Variants in CCAR2 observed in about 807,000 individuals in gnomAD.
CCAR2 encodes cell cycle and apoptosis regulator protein 2.
Under a neutral mutation model 108.1 loss-of-function variants are expected in CCAR2, and 21 were observed. The observed-to-expected ratio is 0.19, with a 90% CI of 0.14 to 0.28. The LOEUF is 0.28. Among genes scored for constraint, CCAR2 ranks in the 10% least tolerant of loss-of-function variants. The pLI is 1.00. For missense variants in CCAR2, 1,126 were observed against 1,177.0 expected (o/e 0.96, Z 0.63); for synonymous variants, 577 against 472.8 (o/e 1.22, Z -2.86).
intron 11 of CCAR2, 127 bp downstream of exon 11, chr8:22,615,128 C>T: frequency 2.3e-6 from 3 of 1,283,054 alleles, no homozygotes; most frequent in South Asian, 1.6e-5. Flanking sequence ...CCTTCCCCCT[C>T]TGGTGCCTCA....
Position 22,620,044 on chromosome 8 carries a change from G to GGACAAGGTCTGATGT in CCAR2, c.*363_*377dup, listed in dbSNP as rs1424893365. 3.7e-6 allele frequency: 1 copy of GGACAAGGTCTGATGT among 273,760 alleles called. No homozygotes were observed. The highest frequency in any genetic ancestry group is 2.2e-5 in the African/African-American group (1 of 45,814). 17.0% of individuals were successfully genotyped at this position (273,760 alleles called of 1,614,324 possible). On this transcript the variant is annotated 3_prime_UTR_variant, in exon 21 of 21. Coordinates refer to ENST00000308511, the MANE Select transcript of CCAR2 (RefSeq NM_001393997.1). ...GGGAGAAAAAGGCTTTTCGAGTGTG[G>GGACAAGGTCTGATGT]GACAAGGTCTGATGTCAGTGAACGG...
chr8:22,608,189 T>C, intron 7 of CCAR2, 124 bp downstream of exon 7: 1 of 694,298 alleles, frequency 1.4e-6, no homozygotes, highest in Non-Finnish European at 2.5e-6. Context: ...GTGGCTATGC[T>C]TACCACTAAC....
At chr8:22,609,503 T>G (rs1453510649) in intron 7 of CCAR2, among the ~76,000 whole-genome samples, 1 of 152,192 alleles carries the variant, frequency 6.6e-6, no homozygotes, top group African/African-American at 2.4e-5. Context: ...CCATGGGGTT[T>G]CCACTGCTTG....
chr8:22,619,527 A>G, intron 20 of CCAR2, 111 bp from the exon 21 acceptor site: 1 of 1,416,602 alleles, frequency 7.1e-7, no homozygotes, highest in South Asian at 1.2e-5. Flanking sequence ...CTGGGAATTG[A>G]GCAGTCAGCA....
At chr8:22,610,908 G>GT (rs1020220059) in intron 7 of CCAR2, among the ~76,000 whole-genome samples, 21 of 152,018 alleles carry the variant, frequency 1.4e-4, no homozygotes, top group Admixed American at 2.0e-4. Context: ...TGGTCTAAAG[G>GT]TTTTTTCTCC....
rs1801487605 is a variant in CCAR2, at chr8:22,615,926, G to A, written c.1608+14G>A. On this transcript the variant is annotated intron_variant, in intron 13 of 20. Coordinates refer to ENST00000308511, the MANE Select transcript of CCAR2 (RefSeq NM_001393997.1). Reference sequence around the variant, plus strand: ...ATCTCTTTTGAGGCAGGTGTCAAGAGTCTTGGGGAGGCTGTGGGCTGGGAT... The same window carrying A: ...ATCTCTTTTGAGGCAGGTGTCAAGAATCTTGGGGAGGCTGTGGGCTGGGAT... 6.2e-7 allele frequency: 1 copy of A among 1,613,810 alleles called. No homozygotes were observed. Among genetic ancestry groups the A allele is most frequent in the Non-Finnish European group, 8.5e-7 (1 of 1,179,770 alleles).
At position 22,614,990 on chromosome 8, in the gene CCAR2, C is replaced by G. The variant is rs1431898325; in HGVS notation, c.1194C>G (p.Gly398=). The G allele has an allele frequency of 3.8e-6, 6 of 1,580,494 alleles. No individual in the cohort carries two copies. In the African/African-American group the frequency reaches 4.0e-5, roughly 11 times the overall value. The change falls in exon 11 of 21, where the codon GGC becomes GGG. Residue 398 remains glycine (G), a synonymous_variant. Coordinates refer to ENST00000308511, the MANE Select transcript of CCAR2 (RefSeq NM_001393997.1). ...CCCAGACTGGCATTGATTTGAGCGG[C>G]TGTACCAAGTGGTGAGTGGGCTTCC... ...AQAQTGIDLS[G]CTKWWRFAEF...
At chr8:22,611,063 A>G (rs889857017) in intron 7 of CCAR2, among the ~76,000 whole-genome samples, 4 of 150,880 alleles carry the variant, frequency 2.7e-5, no homozygotes, top group African/African-American at 9.8e-5. Context: ...TAAAATTAAA[A>G]TAATATAAAT....
Position 22,618,971 on chromosome 8 carries a change from G to A in CCAR2, c.2477G>A (p.Arg826Gln). The A allele has an allele frequency of 3.1e-6, 5 of 1,613,322 alleles. No individual in the cohort carries two copies. The highest frequency in any genetic ancestry group is 3.4e-6 in the Non-Finnish European group (4 of 1,179,956). ...CGCGCGGAGCAGCAGGACAGCGGCC[G>A]GCTCTACCTAGAGAACAAGATCCAC... ...LQRAEQQDSG[R>Q]LYLENKIHTL... Residue 826 changes from arginine to glutamine, a missense_variant, in exon 19 of 21, where the codon CGG becomes CAG. Transcript: ENST00000308511.
intron 8 of CCAR2, chr8:22,613,741 C>A: frequency 4.2e-6 from 1 of 237,832 alleles, no homozygotes; most frequent in Non-Finnish European, 8.2e-6. Flanking sequence ...GCATATTTTC[C>A]TGGCCTCTAA....
intron 1 of CCAR2, chr8:22,605,301 C>G (rs1801024389): frequency 6.2e-6 from 1 of 162,468 alleles, no homozygotes; most frequent in African/African-American, 2.4e-5. Flanking sequence ...AGGGTTTTGG[C>G]GGATGTTTTT....
chr8:22,617,304 A>C, intron 14 of CCAR2, 116 bp from the exon 15 acceptor site: 2 of 1,188,346 alleles, frequency 1.7e-6, no homozygotes, highest in Non-Finnish European at 2.3e-6. Flanking sequence ...CGGTATCTGT[A>C]GAGCCCTCCA....
rs200100273 is a variant in CCAR2 at position 22,618,838 on chromosome 8, C to G, written c.2344C>G (p.Leu782Val). 6.8e-6 allele frequency: 11 copies of G among 1,613,746 alleles called. No individual in the cohort carries two copies. Among genetic ancestry groups the G allele is most frequent in the Non-Finnish European group, 8.5e-6 (10 of 1,179,912 alleles). ...PEEVLFGNLD[L>V]LPPPGKSTKP... ...ACGGTTCTCTCTAGGAAACCTGGACCTGCTGCCCCCTCCTGGGAAAAGCAC... is the reference window on the plus strand; with the variant it reads ...ACGGTTCTCTCTAGGAAACCTGGACGTGCTGCCCCCTCCTGGGAAAAGCAC... Residue 782 changes from leucine (L) to valine (V), a missense_variant, in exon 19 of 21, where the codon CTG becomes GTG. Transcript: ENST00000308511.
At position 22,614,297 on chromosome 8, in the gene CCAR2, C is replaced by A; in HGVS notation, c.910C>A (p.Pro304Thr). 1 of 1,614,006 alleles carries A rather than the reference C, an allele frequency of 6.2e-7. No homozygotes were observed. ...GAEPITADSDPAYSSKVLLLS... is the reference protein window; with the variant it reads ...GAEPITADSDTAYSSKVLLLS... Reference sequence around the variant, plus strand: ...TGAGCCCATCACTGCAGACAGTGACCCCGCTTATAGTTCGAAGGTAAGCTG... The same window carrying A: ...TGAGCCCATCACTGCAGACAGTGACACCGCTTATAGTTCGAAGGTAAGCTG... Residue 304 changes from proline to threonine, a missense_variant, in exon 9 of 21, where the codon CCC (proline) becomes ACC (threonine). Coordinates refer to ENST00000308511, the MANE Select transcript of CCAR2 (RefSeq NM_001393997.1).
chr8:22,616,220 G>A lies in CCAR2; in HGVS notation c.1817G>A (p.Gly606Asp). ...CCCAAGGATGAGGCACAGAATGAGG[G>A]CCCGGCTACAGAGTCAGAGGCCCCG... The part of the protein sequence containing the change: ...KEPKDEAQNE[G>D]PATESEAPLK... The change falls in exon 14 of 21, where the codon GGC (glycine) becomes GAC (aspartate). Residue 606 changes from glycine (G) to aspartate (D), a missense_variant. Around this residue, in one of 4 missense-constraint regions of CCAR2, gnomAD observed 1,013 missense variants for 993.9 expected, o/e 1.02. Transcript: ENST00000308511. The A allele has an allele frequency of 6.2e-7, 1 of 1,613,218 alleles. No homozygotes were observed. Among genetic ancestry groups the A allele is most frequent in the Non-Finnish European group, 8.5e-7 (1 of 1,180,000 alleles).
rs1168439886 is a variant in CCAR2 at position 22,619,691 on chromosome 8, C to A, written c.*9C>A. On this transcript the variant is annotated 3_prime_UTR_variant, in exon 21 of 21. Coordinates refer to ENST00000308511, the MANE Select transcript of CCAR2 (RefSeq NM_001393997.1). The stretch of plus-strand genomic sequence containing the variant: ...CGGCACCTAGCAACTGACGGCCTCG[C>A]ACGGAACTGCCATCCTGTGAGGGCA... 3 of 1,564,726 alleles carry A rather than the reference C, an allele frequency of 1.9e-6. No individual in the cohort carries two copies. The highest frequency in any genetic ancestry group is 2.6e-6 in the Non-Finnish European group (3 of 1,154,390).
At chr8:22,607,918 A>G (rs749885513) in intron 6 of CCAR2, 51 bp from the exon 7 acceptor site, 1 of 1,498,544 alleles carries the variant, frequency 6.7e-7, no homozygotes, top group Non-Finnish European at 9.3e-7. Flanking sequence ...GAGCTATTGC[A>G]CCCGGCCGGT....
intron 8 of CCAR2, among the ~76,000 whole-genome samples, 155 bp downstream of exon 8, chr8:22,613,291 G>C (rs932278044): frequency 4.6e-5 from 7 of 151,464 alleles, no homozygotes; most frequent in Non-Finnish European, 8.8e-5. Context: ...ACTGTTTGGT[G>C]GTTTGCCTTT....
Position 22,614,301 on chromosome 8 carries a change from C to T in CCAR2, c.914C>T (p.Ala305Val). The stretch of plus-strand genomic sequence containing the variant: ...CCCATCACTGCAGACAGTGACCCCG[C>T]TTATAGTTCGAAGGTAAGCTGACAG... ...AEPITADSDP[A>V]YSSKVLLLSS... The change falls in exon 9 of 21, where the codon GCT (alanine) becomes GTT (valine). Residue 305 changes from alanine to valine, a missense_variant. Ala to Val is a moderately conservative substitution (Grantham distance 64, BLOSUM62 0). Coordinates refer to ENST00000308511, the MANE Select transcript of CCAR2 (RefSeq NM_001393997.1). 6.2e-7 allele frequency: 1 copy of T among 1,614,092 alleles called. No homozygotes were observed. The highest frequency in any genetic ancestry group is 8.5e-7 in the Non-Finnish European group (1 of 1,179,992).
Sources: allele counts gnomAD v4.1 joint callset (sites outside exome capture counted in the v4.1 genomes callset), GRCh38; gene constraint gnomAD v4.1.1; regional missense constraint gnomAD v4.1.1; transcripts MANE v1.5; gene names NCBI Gene and HGNC (gene_info 2026-07-23, HGNC 2026-07-21).